The following RPS6KC1 variants were observed in gnomAD, a reference collection of about 807,000 sequenced individuals.
RPS6KC1 encodes the protein inactive ribosomal protein S6 kinase delta-1.
In RPS6KC1, 54 loss-of-function variants were observed where a neutral mutation model predicts 103.8. The observed-to-expected ratio is 0.52, with a 90% CI of 0.42 to 0.65. The LOEUF is 0.65. Ranked by LOEUF, RPS6KC1 falls within the 30% of genes least tolerant of loss-of-function variation. RPS6KC1 has a pLI of 0.00. For synonymous variants in RPS6KC1, 439 were observed against 438.7 expected (o/e 1.00, Z -0.01); for missense variants, 1,151 against 1,253.8 (o/e 0.92, Z 1.24).
the RPS6KC1 span, among the ~76,000 whole-genome samples, chr1:213,604,373 C>T: frequency 2.0e-5 from 3 of 152,232 alleles, no homozygotes; most frequent in African/African-American, 7.2e-5. Context: ...GCAGTTTTGC[C>T]ATCACGTATT....
At chr1:213,693,469 G>A in the RPS6KC1 span, among the ~76,000 whole-genome samples, 6 of 152,166 alleles carry the variant, frequency 3.9e-5, no homozygotes, top group African/African-American at 1.4e-4. Flanking sequence ...TGTATTCCTA[G>A]CACCCAACAC....
At chr1:213,080,796 C>T (rs2079803860) in intron 3 of RPS6KC1, among the ~76,000 whole-genome samples, 1 of 152,164 alleles carries the variant, frequency 6.6e-6, no homozygotes, top group Admixed American at 6.5e-5. Context: ...AACACCTGTG[C>T]TCAGGCAATC....
the RPS6KC1 span, among the ~76,000 whole-genome samples, chr1:213,567,371 GCTCAAGACCT>G: frequency 3.9e-5 from 6 of 152,100 alleles, no homozygotes; most frequent in South Asian, 4.1e-4. Flanking sequence ...TATCATGTAG[GCTCAAGACCT>G]AACTCCCGAC....
the RPS6KC1 span, among the ~76,000 whole-genome samples, chr1:213,420,142 C>T: frequency 6.6e-6 from 1 of 152,132 alleles, no homozygotes; most frequent in African/African-American, 2.4e-5. Context: ...CTCGCCACTG[C>T]GTGGGAGGAT....
the RPS6KC1 span, among the ~76,000 whole-genome samples, chr1:213,762,461 C>T: frequency 5.3e-5 from 8 of 152,166 alleles, no homozygotes; most frequent in African/African-American, 1.9e-4. Context: ...GAAAAGTGAA[C>T]GATGACTAGA....
At chr1:213,556,518 G>C in the RPS6KC1 span, among the ~76,000 whole-genome samples, 2 of 152,194 alleles carry the variant, frequency 1.3e-5, no homozygotes, top group Non-Finnish European at 2.9e-5. Flanking sequence ...TGCTGCTGCA[G>C]AGAACAGAAG....
At chr1:213,464,349 A>G in the RPS6KC1 span, among the ~76,000 whole-genome samples, 4,337 of 152,234 alleles carry the variant, frequency 0.028, 86 homozygotes, top group East Asian at 0.052. Flanking sequence ...GTTATAATTT[A>G]TACTTTCCAT....
At chr1:213,300,084 C>T in the RPS6KC1 span, among the ~76,000 whole-genome samples, 1 of 152,244 alleles carries the variant, frequency 6.6e-6, no homozygotes, top group African/African-American at 2.4e-5. Context: ...GGATTACAGG[C>T]GTGAGCCACC....
At chr1:213,100,215 A>G (rs1478507903) in intron 3 of RPS6KC1, among the ~76,000 whole-genome samples, 1 of 152,112 alleles carries the variant, frequency 6.6e-6, no homozygotes, top group Non-Finnish European at 1.5e-5. Context: ...GACGGCTAAT[A>G]GGCTAAAGAT....
At chr1:213,621,719 G>C in the RPS6KC1 span, among the ~76,000 whole-genome samples, 2 of 152,098 alleles carry the variant, frequency 1.3e-5, no homozygotes, top group Non-Finnish European at 2.9e-5. Context: ...TGAAAATGTG[G>C]GGCCCTTTAT....
At chr1:213,661,518 A>G in the RPS6KC1 span, among the ~76,000 whole-genome samples, 1 of 152,154 alleles carries the variant, frequency 6.6e-6, no homozygotes, top group Non-Finnish European at 1.5e-5. Context: ...ATTTCTTTAC[A>G]GTGATGTATG....
At chr1:213,276,541 G>A (rs1437444440), downstream of RPS6KC1, among the ~76,000 whole-genome samples, 1 of 152,146 alleles carries the variant, frequency 6.6e-6, no homozygotes, top group Non-Finnish European at 1.5e-5. Context: ...GGGTAGGTGA[G>A]TTCTAAGCTT....
chr1:213,228,488 A>G (rs2094011218), intron 8 of RPS6KC1, among the ~76,000 whole-genome samples: 1 of 152,062 alleles, frequency 6.6e-6, no homozygotes, highest in South Asian at 2.1e-4. Context: ...TGAGAGGCCA[A>G]GGCAGGAGGA....
chr1:213,530,155 A>T, the RPS6KC1 span, among the ~76,000 whole-genome samples: 1 of 151,866 alleles, frequency 6.6e-6, no homozygotes, highest in African/African-American at 2.4e-5. Flanking sequence ...GCACCCATTA[A>T]CTCGTCATTT....
chr1:213,587,449 C>T, the RPS6KC1 span, among the ~76,000 whole-genome samples: 6 of 152,128 alleles, frequency 3.9e-5, no homozygotes, highest in Non-Finnish European at 8.8e-5. Flanking sequence ...TGGGAAGATA[C>T]CTTCAAGAAG....
chr1:213,189,093 A>G (rs1050198479), intron 8 of RPS6KC1, among the ~76,000 whole-genome samples: 5 of 152,170 alleles, frequency 3.3e-5, no homozygotes, highest in African/African-American at 1.2e-4. Context: ...AATCAGTATA[A>G]TGTAGGAAGG....
chr1:213,692,231 T>G, the RPS6KC1 span, among the ~76,000 whole-genome samples: 1 of 151,918 alleles, frequency 6.6e-6, no homozygotes, highest in Non-Finnish European at 1.5e-5. Flanking sequence ...GGTGAAACTC[T>G]GTCTCTACTA....
At chr1:213,845,544 A>G in the RPS6KC1 span, among the ~76,000 whole-genome samples, 2 of 152,210 alleles carry the variant, frequency 1.3e-5, no homozygotes, top group Non-Finnish European at 2.9e-5. Context: ...TATAGATACC[A>G]ATGGACTTTG....
chr1:213,693,734 G>A, the RPS6KC1 span, among the ~76,000 whole-genome samples: 2 of 152,134 alleles, frequency 1.3e-5, no homozygotes, highest in Middle Eastern at 3.2e-3. Flanking sequence ...TACCTTTTTC[G>A]ATGGCTACGG....
Sources: gnomAD v4.1 joint callset for allele counts (sites outside exome capture counted in the v4.1 genomes callset) on GRCh38, gnomAD v4.1.1 for gene constraint, MANE v1.5 for transcripts, NCBI Gene and HGNC (gene_info 2026-07-23, HGNC 2026-07-21) for gene names.